Variants in GSE1 observed in about 807,000 individuals in gnomAD.
The protein encoded by GSE1 is Gse1 coiled-coil protein, also known as genetic suppressor element 1.
Under a neutral mutation model 112.6 loss-of-function variants are expected in GSE1, and 32 were observed. The observed-to-expected ratio is 0.28, with a 90% CI of 0.21 to 0.38. The LOEUF is 0.38. GSE1 is among the 10% of genes least tolerant of loss of function. The probability of loss-of-function intolerance (pLI) is 1.00; values close to 1 mark genes in which losing one functional copy is unlikely to be tolerated. For synonymous variants in GSE1, 1,115 were observed against 735.6 expected, an observed-to-expected ratio of 1.52 and a Z score of -8.35; for missense variants, 2,348 against 1,699.2, an observed-to-expected ratio of 1.38 and a Z score of -6.71.
chr16:85,536,411 C>T (rs2044328381), intron 2 of GSE1, among the ~76,000 whole-genome samples: 1 of 152,236 alleles, frequency 6.6e-6, no homozygotes, highest in African/African-American at 2.4e-5. Flanking sequence ...GCCAAGCAGC[C>T]TCTAGTTCCC....
chr16:85,603,294 G>C (rs2047547517), intron 1 of GSE1, among the ~76,000 whole-genome samples: 1 of 152,238 alleles, frequency 6.6e-6, no homozygotes, highest in African/African-American at 2.4e-5. Flanking sequence ...GAGACGCCGA[G>C]TGGGGAAAGT....
At chr16:85,625,988 T>C (rs1455308419) in intron 1 of GSE1, among the ~76,000 whole-genome samples, 1 of 152,132 alleles carries the variant, frequency 6.6e-6, no homozygotes, top group Non-Finnish European at 1.5e-5. Context: ...TTCTCAGCCC[T>C]TCTTGTTCCA....
intron 2 of GSE1, among the ~76,000 whole-genome samples, chr16:85,509,850 A>T (rs1052841909): frequency 1.3e-5 from 2 of 151,872 alleles, no homozygotes; most frequent in East Asian, 3.9e-4. Flanking sequence ...TTTGGAAGGG[A>T]TAGGAGACCC....
chr16:85,203,442 G>A (rs913859734), intron 1 of GSE1, among the ~76,000 whole-genome samples: 48 of 152,170 alleles, frequency 3.2e-4, no homozygotes, highest in African/African-American at 8.7e-4. Context: ...CGTGGGACAC[G>A]GCCTGCCCCT....
intron 1 of GSE1, among the ~76,000 whole-genome samples, chr16:85,246,913 G>A (rs1417244747): frequency 6.6e-6 from 1 of 152,090 alleles, no homozygotes; most frequent in East Asian, 1.9e-4. Flanking sequence ...TTGGTAGAGG[G>A]GCTAGGTTGG....
intron 1 of GSE1, among the ~76,000 whole-genome samples, chr16:85,623,156 G>T (rs151151634): frequency 6.6e-6 from 1 of 151,854 alleles, no homozygotes; most frequent in South Asian, 2.1e-4. Flanking sequence ...ACAACACAGC[G>T]TGATTTCAGG....
At position 85,623,203 on chromosome 16, in the gene GSE1, C is replaced by T. The variant is rs554522292; in HGVS notation, c.7+9805C>T. ...CAGGTTGAAGGGTAAAAGGCTGGCC[C>T]CTTGTCCACTCCTTTTTTTTTTTTT... On this transcript the variant is annotated intron_variant, in intron 1 of 15. Coordinates refer to ENST00000253458, the MANE Select transcript of GSE1 (RefSeq NM_014615.5). Among the ~76,000 whole-genome samples the T allele has an allele frequency of 1.2e-4, 18 of 151,974 alleles. 1 individual carries two copies. In the East Asian group the frequency reaches 2.9e-3, roughly 24 times the overall value.
intron 1 of GSE1, among the ~76,000 whole-genome samples, chr16:85,293,864 A>T (rs1346362425): frequency 6.6e-6 from 1 of 152,114 alleles, no homozygotes; most frequent in Non-Finnish European, 1.5e-5. Flanking sequence ...ATGGGGACCC[A>T]CCTTAACCCA....
chr16:85,642,252 A>C (rs927829431), intron 2 of GSE1, among the ~76,000 whole-genome samples: 4 of 152,236 alleles, frequency 2.6e-5, no homozygotes, highest in African/African-American at 9.6e-5. Context: ...TTGAGGCTGC[A>C]GTGAGGCATG....
chr16:85,507,628 C>T (rs539876476), intron 2 of GSE1, among the ~76,000 whole-genome samples: 21 of 152,180 alleles, frequency 1.4e-4, no homozygotes, highest in East Asian at 1.2e-3. Context: ...GTGTGAACGC[C>T]GTGTTCCCTC....
chr16:85,654,194 C>T, intron 3 of GSE1, 84 bp from the exon 4 acceptor site: 1 of 1,280,038 alleles, frequency 7.8e-7, no homozygotes, highest in Non-Finnish European at 1.1e-6. Context: ...TAGCGCCTTC[C>T]CGTGAGTCAG....
rs16975788 is a variant in GSE1 at position 85,667,144 on chromosome 16, G to T, written c.3130+797G>T. Among the ~76,000 whole-genome samples, 796 of 152,370 alleles carry T rather than the reference G, an allele frequency of 5.2e-3. 36 individuals are homozygous for T. In the East Asian group the frequency reaches 0.11, roughly 20 times the overall value. ...GGAGACTATACAGTGCTACTGAGAT[G>T]CCTTTCGAAACTTCAGAATACCCTC... On this transcript the variant is annotated intron_variant, in intron 13 of 15. Transcript: ENST00000253458.
chr16:85,656,478 T>TGAGCATGAGAAGGAGCGC lies in GSE1; in HGVS notation c.1129_1130insATGAGAAGGAGCGCGAGC (p.Glu376_Arg377insHisGluLysGluArgGlu). ...AGGAGCGCGAGCAAGAGAAGGAGCG[T>TGAGCATGAGAAGGAGCGC]GAGCGTGAGAAGGAGCGCGAGCGCG... On this transcript the variant is annotated inframe_insertion, in exon 7 of 16. Coordinates refer to ENST00000253458, the MANE Select transcript of GSE1 (RefSeq NM_014615.5). The TGAGCATGAGAAGGAGCGC allele has an allele frequency of 2.0e-6, 3 of 1,524,892 alleles. No individual in the cohort carries two copies. The highest frequency in any genetic ancestry group is 2.7e-6 in the Non-Finnish European group (3 of 1,125,430). 94.5% of individuals were successfully genotyped at this position (1,524,892 alleles called of 1,614,324 possible). A position where few individuals can be genotyped will look rare whatever the true frequency, so the allele number is the denominator to read the frequency against.
At chr16:85,518,792 A>T (rs2052039741) in intron 2 of GSE1, among the ~76,000 whole-genome samples, 1 of 151,908 alleles carries the variant, frequency 6.6e-6, no homozygotes, top group African/African-American at 2.4e-5. Context: ...TATAAAAAGG[A>T]CCTATCCTTA....
chr16:85,348,296 TCATCCATCCATC>T (rs57742912), intron 1 of GSE1, among the ~76,000 whole-genome samples: 2 of 151,254 alleles, frequency 1.3e-5, no homozygotes, highest in African/African-American at 4.9e-5. Flanking sequence ...CATCCACTGT[TCATCCATCCATC>T]CATCCATCCA....
chr16:85,248,883 C>T (rs1379104974), intron 1 of GSE1, among the ~76,000 whole-genome samples: 1 of 152,202 alleles, frequency 6.6e-6, no homozygotes, highest in Non-Finnish European at 1.5e-5. Context: ...TGCATGGGCC[C>T]TGGGCACTGG....
chr16:85,521,011 C>A (rs999323547), intron 2 of GSE1, among the ~76,000 whole-genome samples: 1 of 152,076 alleles, frequency 6.6e-6, no homozygotes, highest in Non-Finnish European at 1.5e-5. Context: ...AAGTCTCAGC[C>A]GGGGTTGAGG....
chr16:85,674,356 C>G lies in GSE1; in HGVS notation c.*1817C>G, dbSNP rs535170052. On this transcript the variant is annotated 3_prime_UTR_variant, in exon 16 of 16. Transcript: ENST00000253458. ...CAGACGAATGTACCGCCAGTATTAT[C>G]AGCAGTCAACAAGCACCTTCCTCTC... 6.6e-6 allele frequency: 1 copy of G among 152,290 alleles called. No individual in the cohort carries two copies. 9.4% of individuals were successfully genotyped at this position (152,290 alleles called of 1,614,324 possible).
chr16:85,620,552 G>A (rs1035908950), intron 1 of GSE1, among the ~76,000 whole-genome samples: 3 of 152,242 alleles, frequency 2.0e-5, no homozygotes, highest in South Asian at 2.1e-4. Flanking sequence ...AGAGACTTCC[G>A]CCTCCCAGAG....
Sources: allele counts gnomAD v4.1 joint callset (sites outside exome capture counted in the v4.1 genomes callset), GRCh38; gene constraint gnomAD v4.1.1; transcripts MANE v1.5; gene names NCBI Gene and HGNC (gene_info 2026-07-23, HGNC 2026-07-21).